Variants in PDIA6 observed in about 807,000 individuals in gnomAD.
PDIA6 encodes the protein protein disulfide-isomerase A6.
PDIA6 carries 29 observed loss-of-function variants against 58.4 expected under a neutral mutation model. That is an observed-to-expected ratio of 0.50 (90% CI 0.37 to 0.68). The LOEUF is 0.68. Ranked by LOEUF, PDIA6 falls within the 30% of genes least tolerant of loss-of-function variation. The pLI, the probability that PDIA6 is intolerant of heterozygous loss-of-function variation, is 0.00. For missense variants in PDIA6, 480 were observed against 551.0 expected (o/e 0.87, Z 1.29); for synonymous variants, 192 against 202.6 (o/e 0.95, Z 0.44).
chr2:10,809,659 A>AAC (rs1252257466), intron 1 of PDIA6, among the ~76,000 whole-genome samples: 5 of 150,180 alleles, frequency 3.3e-5, no homozygotes, highest in African/African-American at 1.2e-4. Flanking sequence ...AAAAAAAAAA[A>AAC]AAAAAAAAAA....
Position 10,785,252 on chromosome 2 carries a change from T to A in PDIA6, c.1158-222A>T, listed in dbSNP as rs553568916. 3.7e-5 allele frequency: 19 copies of A among 519,500 alleles called. No individual in the cohort carries two copies. The East Asian group carries it at 6.5e-4, about 18-fold the overall frequency. 32.2% of individuals were successfully genotyped at this position (519,500 alleles called of 1,614,324 possible). ...AACATTCCCAACTAAGCCCCCTGCA[T>A]CAGATAAAGTCAGTTGCTATCAGTA... On this transcript the variant is annotated intron_variant, in intron 11 of 12. Transcript: ENST00000272227.
intron 1 of PDIA6, among the ~76,000 whole-genome samples, chr2:10,809,644 T>TAAA (rs1558454482): frequency 3.4e-4 from 1 of 2,944 alleles, no homozygotes; most frequent in African/African-American, 6.7e-4. Flanking sequence ...AGACCCGGTC[T>TAAA]CAAAAAAAAA....
upstream of PDIA6, among the ~76,000 whole-genome samples, chr2:10,814,815 G>T (rs1264131682): frequency 2.0e-5 from 3 of 152,136 alleles, no homozygotes; most frequent in Non-Finnish European, 4.4e-5. Context: ...TGAGTTGATC[G>T]CAGCCTCTCC....
At chr2:10,790,432 A>G (rs1407519345) in intron 7 of PDIA6, among the ~76,000 whole-genome samples, 2 of 152,238 alleles carry the variant, frequency 1.3e-5, no homozygotes. Flanking sequence ...TACCTGCCCT[A>G]GAACAAATGG....
chr2:10,834,828 G>A (rs1667795645), upstream of PDIA6, among the ~76,000 whole-genome samples: 1 of 150,004 alleles, frequency 6.7e-6, no homozygotes, highest in African/African-American at 2.5e-5. Context: ...GTGCAGTGGT[G>A]TGATCTTAGC....
intron 1 of PDIA6, among the ~76,000 whole-genome samples, chr2:10,812,354 A>T (rs4473359): frequency 0.41 from 61,985 of 151,526 alleles, 13,801 homozygotes; most frequent in Middle Eastern, 0.55. Flanking sequence ...CCGGGAATAC[A>T]GACCCCCTCC....
intron 4 of PDIA6, among the ~76,000 whole-genome samples, chr2:10,794,906 A>G (rs1420615990): frequency 1.3e-5 from 2 of 152,152 alleles, no homozygotes; most frequent in African/African-American, 4.8e-5. Flanking sequence ...CAGCCTGGGC[A>G]ACAGAGTGAG....
upstream of PDIA6, among the ~76,000 whole-genome samples, chr2:10,815,863 T>C (rs534209218): frequency 1.8e-4 from 27 of 152,222 alleles, no homozygotes; most frequent in African/African-American, 6.3e-4. Flanking sequence ...TTTTTAAGTG[T>C]ACAATTGAGT....
Position 10,793,174 on chromosome 2 carries a change from A to T in PDIA6, c.375T>A (p.Asp125Glu). 2 of 1,614,056 alleles carry T rather than the reference A, an allele frequency of 1.2e-6. No individual in the cohort carries two copies. Among genetic ancestry groups the T allele is most frequent in the Non-Finnish European group, 1.7e-6 (2 of 1,179,932 alleles). The change falls in exon 5 of 13, where the codon GAT (aspartate) becomes GAA (glutamate). Residue 125 changes from aspartate to glutamate, a missense_variant. Physicochemically the swap from Asp to Glu is conservative, Grantham distance 45. Coordinates refer to ENST00000272227, the MANE Select transcript of PDIA6 (RefSeq NM_005742.4). ...GCTGGCGCAGAGCACTCAGCGCAGC[A>T]TCTACAATGGCTTCACCAGTTCTGC... ...QGGRTGEAIV[D>E]AALSALRQLV...
chr2:10,794,433 G>A (rs1666173366), intron 4 of PDIA6, among the ~76,000 whole-genome samples: 3 of 143,502 alleles, frequency 2.1e-5, no homozygotes, highest in South Asian at 4.5e-4. Flanking sequence ...GTGACAGAAC[G>A]AGACTCTGTG....
upstream of PDIA6, among the ~76,000 whole-genome samples, chr2:10,834,732 C>CCTTCCTTCCT (rs1667790757): frequency 2.5e-4 from 9 of 36,450 alleles, no homozygotes; most frequent in South Asian, 2.9e-3. Context: ...CCTTCCTTCC[C>CCTTCCTTCCT]TCCTTCCTTC....
chr2:10,807,482 G>T (rs1259239643), intron 1 of PDIA6, among the ~76,000 whole-genome samples: 2 of 152,088 alleles, frequency 1.3e-5, no homozygotes, highest in Non-Finnish European at 2.9e-5. Flanking sequence ...GAGTGACCAC[G>T]CCAGGCCAAA....
chr2:10,789,375 T>C (rs957043553), intron 8 of PDIA6, among the ~76,000 whole-genome samples: 1 of 152,042 alleles, frequency 6.6e-6, no homozygotes, highest in African/African-American at 2.4e-5. Flanking sequence ...AAAAACAGTA[T>C]CTACCTCTCA....
rs1027573378 is a variant in PDIA6, at chr2:10,783,558, A to G, written c.*700T>C. ...ATTTCATGTCTTAACGGCTATTTTGAGGTTCATTAACAACATAGAAAGCCT... is the reference window on the plus strand; with the variant it reads ...ATTTCATGTCTTAACGGCTATTTTGGGGTTCATTAACAACATAGAAAGCCT... On this transcript the variant is annotated 3_prime_UTR_variant, in exon 13 of 13. Transcript: ENST00000272227. The G allele has an allele frequency of 6.8e-6, 2 of 292,172 alleles. No individual in the cohort carries two copies. The highest frequency in any genetic ancestry group is 9.8e-5 in the Admixed American group (2 of 20,344). 18.1% of individuals were successfully genotyped at this position (292,172 alleles called of 1,614,324 possible).
intron 1 of PDIA6, among the ~76,000 whole-genome samples, chr2:10,808,190 G>A (rs1433492265): frequency 6.6e-6 from 1 of 152,234 alleles, no homozygotes; most frequent in Non-Finnish European, 1.5e-5. Flanking sequence ...TATTCCAGTT[G>A]CCATGTGGAA....
At chr2:10,784,474 AC>A in intron 12 of PDIA6, 148 bp from the exon 13 acceptor site, 1 of 586,200 alleles carries the variant, frequency 1.7e-6, no homozygotes, top group Non-Finnish European at 3.0e-6. Flanking sequence ...TGACCTTCGT[AC>A]CTATGATTAT....
chr2:10,823,619 T>C (rs1205082345), intron 1 of PDIA6, among the ~76,000 whole-genome samples: 23 of 152,364 alleles, frequency 1.5e-4, no homozygotes, highest in Non-Finnish European at 7.3e-5. Context: ...CTGACATTTT[T>C]CCCACTTTCT....
At chr2:10,837,528 A>G (rs1308431847) in exon 1 of PDIA6, 1 of 715,256 alleles carries the variant, frequency 1.4e-6, no homozygotes, top group Non-Finnish European at 2.5e-6. Flanking sequence ...ACTTACCACG[A>G]TCCGAGCGCC....
At chr2:10,825,595 C>T (rs1181738998) in intron 1 of PDIA6, among the ~76,000 whole-genome samples, 1 of 152,028 alleles carries the variant, frequency 6.6e-6, no homozygotes, top group Non-Finnish European at 1.5e-5. Context: ...GAACTAGTAT[C>T]TAGAATGTAT....
Sources: gnomAD v4.1 joint callset for allele counts (sites outside exome capture counted in the v4.1 genomes callset) on GRCh38, gnomAD v4.1.1 for gene constraint, MANE v1.5 for transcripts, NCBI Gene and HGNC (gene_info 2026-07-23, HGNC 2026-07-21) for gene names.